IL7R: variants seen among roughly 807,000 people sequenced by gnomAD.
The protein encoded by IL7R is interleukin-7 receptor subunit alpha.
A neutral mutation model predicts 47.0 loss-of-function variants in IL7R; 38 were observed. The observed-to-expected ratio is 0.81, with a 90% CI of 0.62 to 1.06. The LOEUF (loss-of-function observed/expected upper bound fraction) is 1.06. Among genes scored for constraint, IL7R ranks in the 50% least tolerant of loss-of-function variants. The pLI is 0.00. For missense variants in IL7R, 633 were observed against 534.8 expected (o/e 1.18, Z -1.81); for synonymous variants, 221 against 199.8 (o/e 1.11, Z -0.89).
In IL7R at chr5:35,873,517, A is replaced by G. The variant is rs1345734622; in HGVS notation, c.575A>G (p.Gln192Arg). 5 of 1,613,984 alleles carry G rather than the reference A, an allele frequency of 3.1e-6. No homozygotes were observed. Among genetic ancestry groups the G allele is most frequent in the African/African-American group, 2.7e-5 (2 of 74,924 alleles). The change falls in exon 5 of 8, where the codon CAG (glutamine) becomes CGG (arginine). Residue 192 changes from glutamine to arginine, a missense_variant. Physicochemically the swap from Gln to Arg is conservative, Grantham distance 43 (BLOSUM62 1). Coordinates refer to ENST00000303115, the MANE Select transcript of IL7R (RefSeq NM_002185.5). ...NLSSTKLTLLQRKLQPAAMYE... is the reference protein window; with the variant it reads ...NLSSTKLTLLRRKLQPAAMYE... ...TCCAGCACAAAGCTGACACTCCTGC[A>G]GAGAAAGCTCCAACCGGCAGCAATG...
rs746163082 is a variant in IL7R at position 35,871,220 on chromosome 5, A to T, written c.537+7A>T. ...GGATGAAAACAAATGGACGGTATGTAGTTCAACTACATTAATAAAATAAAA... is the reference window on the plus strand; with the variant it reads ...GGATGAAAACAAATGGACGGTATGTTGTTCAACTACATTAATAAAATAAAA... On this transcript the variant is annotated splice_region_variant and intron_variant, in intron 4 of 7. Coordinates refer to ENST00000303115, the MANE Select transcript of IL7R (RefSeq NM_002185.5). 4 of 1,603,532 alleles carry T rather than the reference A, an allele frequency of 2.5e-6. No individual in the cohort carries two copies. The African/African-American group carries it at 5.4e-5, about 21-fold the overall frequency.
chr5:35,875,512 G>T lies in IL7R; in HGVS notation c.801G>T (p.Arg267Ser), dbSNP rs912324015. 1 of 1,607,398 alleles carries T rather than the reference G, an allele frequency of 6.2e-7. No individual in the cohort carries two copies. Among genetic ancestry groups the T allele is most frequent in the South Asian group, 1.1e-5 (1 of 90,940 alleles). Residue 267 changes from arginine (R) to serine (S), a missense_variant and splice_region_variant, in exon 7 of 8, where the codon AGG becomes AGT. Transcript: ENST00000303115. ...VILACVLWKK[R>S]IKPIVWPSLP... ...ATCTATCAATGTTCTCTGATTTCAG[G>T]ATTAAGCCTATCGTATGGCCCAGTC...
At chr5:35,865,784 A>C (rs975020048) in intron 2 of IL7R, among the ~76,000 whole-genome samples, 1 of 152,304 alleles carries the variant, frequency 6.6e-6, no homozygotes, top group African/African-American at 2.4e-5. Flanking sequence ...CCCATCAAAA[A>C]GTGGGCAAAG....
Position 35,876,045 on chromosome 5 carries a change from C to T in IL7R, c.939C>T (p.Asp313=), listed in dbSNP as rs761483945. The T allele has an allele frequency of 6.2e-7, 1 of 1,614,052 alleles. No individual in the cohort carries two copies. The change falls in exon 8 of 8, where the codon GAC becomes GAT. Residue 313 remains aspartate (D), a synonymous_variant. Transcript: ENST00000303115. ...ACTGCCAGATTCATAGGGTGGATGACATTCAAGCTAGAGATGAAGTGGAAG... is the reference window on the plus strand; with the variant it reads ...ACTGCCAGATTCATAGGGTGGATGATATTCAAGCTAGAGATGAAGTGGAAG... ...FLDCQIHRVD[D]IQARDEVEGF...
Position 35,875,513 on chromosome 5 carries a change from A to T in IL7R, c.802A>T (p.Ile268Phe). Residue 268 changes from isoleucine to phenylalanine, a missense_variant and splice_region_variant, in exon 7 of 8, where the codon ATT becomes TTT. Ile to Phe is a conservative substitution (Grantham distance 21, BLOSUM62 0). Transcript: ENST00000303115. ...TCTATCAATGTTCTCTGATTTCAGG[A>T]TTAAGCCTATCGTATGGCCCAGTCT... is the stretch of plus-strand genomic sequence containing the variant. ...ILACVLWKKRIKPIVWPSLPD... is the reference protein window; with the variant it reads ...ILACVLWKKRFKPIVWPSLPD... 1.9e-6 allele frequency: 3 copies of T among 1,608,572 alleles called. No homozygotes were observed. Among genetic ancestry groups the T allele is most frequent in the Non-Finnish European group, 2.6e-6 (3 of 1,174,968 alleles).
chr5:35,860,732 A>G (rs1759781037), intron 1 of IL7R, 120 bp from the exon 2 acceptor site: 3 of 1,031,484 alleles, frequency 2.9e-6, no homozygotes, highest in South Asian at 1.3e-5. Context: ...CTTGAATACT[A>G]CATAATCCAT....
chr5:35,876,818 G>GGAAA lies in IL7R; in HGVS notation c.*342_*345dup, dbSNP rs397691511. ...AGGAAGGCAGGAAGAGAGCATGAGA[G>GGAAA]GAAAGAAAGAAAGGAAAATAAAAAA... On this transcript the variant is annotated 3_prime_UTR_variant, in exon 8 of 8. Transcript: ENST00000303115. 41,326 of 360,556 alleles carry GGAAA rather than the reference G, an allele frequency of 0.11. 2,597 individuals are homozygous for GGAAA. The highest frequency in any genetic ancestry group is 0.14 in the Admixed American group (3,247 of 23,292). 22.3% of individuals were successfully genotyped at this position (360,556 alleles called of 1,614,324 possible).
intron 2 of IL7R, among the ~76,000 whole-genome samples, chr5:35,865,167 C>T (rs558284137): frequency 1.3e-5 from 2 of 152,144 alleles, no homozygotes; most frequent in Admixed American, 1.3e-4. Context: ...TGTCCAAGTG[C>T]TCTTATCGTT....
At position 35,856,967 on chromosome 5, in the gene IL7R, T is replaced by A. The variant is rs747999593; in HGVS notation, c.-11T>A. The A allele has an allele frequency of 1.9e-5, 29 of 1,511,802 alleles. No individual in the cohort carries two copies. The highest frequency in any genetic ancestry group is 2.4e-5 in the Non-Finnish European group (26 of 1,089,330). 93.6% of individuals were successfully genotyped at this position (1,511,802 alleles called of 1,614,324 possible). ...CTCACACATCTACTCTCTCTCTCTA[T>A]CTCTCTCAGAATGACAATTCTAGGT... On this transcript the variant is annotated 5_prime_UTR_variant, in exon 1 of 8. Transcript: ENST00000303115.
intron 2 of IL7R, among the ~76,000 whole-genome samples, chr5:35,867,023 T>C (rs1195081407): frequency 6.6e-6 from 1 of 152,234 alleles, no homozygotes; most frequent in African/African-American, 2.4e-5. Context: ...CAGTGATCAA[T>C]TATAAAAATA....
At position 35,877,572 on chromosome 5, in the gene IL7R, G is replaced by A. The variant is rs902832222; in HGVS notation, c.*1086G>A. ...GGACATGGGTACGTTTGACGAGTGA[G>A]AGGAGGCATGACCCCTCCCATGTGT... On this transcript the variant is annotated 3_prime_UTR_variant, in exon 8 of 8. Transcript: ENST00000303115. 7.3e-5 allele frequency: 17 copies of A among 233,176 alleles called. No homozygotes were observed. Among genetic ancestry groups the A allele is most frequent in the Middle Eastern group, 1.3e-3 (1 of 786 alleles). 14.4% of individuals were successfully genotyped at this position (233,176 alleles called of 1,614,324 possible).
chr5:35,859,329 G>A (rs1375599194), intron 1 of IL7R, among the ~76,000 whole-genome samples: 1 of 152,196 alleles, frequency 6.6e-6, no homozygotes, highest in Non-Finnish European at 1.5e-5. Context: ...ATTGGTGGAA[G>A]AGAAAATGTC....
rs534769745 is a variant in IL7R at position 35,871,504 on chromosome 5, G to A, written c.537+291G>A. 2.6e-5 allele frequency among the ~76,000 whole-genome samples: 4 copies of A among 152,218 alleles called. No individual in the cohort carries two copies. In the South Asian group the frequency reaches 8.3e-4, roughly 32 times the overall value. Reference sequence around the variant, plus strand: ...CCAAATTAATCCTCTGTATTCAGGGGCCTCAAAAAGTGTCATGTCTAGTGC... The same window carrying A: ...CCAAATTAATCCTCTGTATTCAGGGACCTCAAAAAGTGTCATGTCTAGTGC... On this transcript the variant is annotated intron_variant, in intron 4 of 7. Coordinates refer to ENST00000303115, the MANE Select transcript of IL7R (RefSeq NM_002185.5).
At chr5:35,861,211 G>C (rs534686693) in intron 2 of IL7R, among the ~76,000 whole-genome samples, 1 of 152,218 alleles carries the variant, frequency 6.6e-6, no homozygotes, top group South Asian at 2.1e-4. Context: ...TCAGTCAAAT[G>C]ATGCTCTGGA....
At chr5:35,857,769 A>T (rs1759695557) in intron 1 of IL7R, among the ~76,000 whole-genome samples, 1 of 152,118 alleles carries the variant, frequency 6.6e-6, no homozygotes, top group Non-Finnish European at 1.5e-5. Context: ...CCCATACATA[A>T]ACACATTGTA....
rs775669367 is a variant in IL7R, at chr5:35,875,483, C to G, written c.801-29C>G. The G allele has an allele frequency of 3.3e-6, 5 of 1,515,330 alleles. 1 individual carries two copies. In the South Asian group the frequency reaches 5.6e-5, roughly 17 times the overall value. 93.9% of individuals were successfully genotyped at this position (1,515,330 alleles called of 1,614,324 possible). On this transcript the variant is annotated intron_variant, in intron 6 of 7. Transcript: ENST00000303115. ...GTGTGCCTGTGCCCTCTGCCATTCA[C>G]TTCATCTATCAATGTTCTCTGATTT...
chr5:35,859,983 A>T (rs1363171066), intron 1 of IL7R, among the ~76,000 whole-genome samples: 1 of 152,050 alleles, frequency 6.6e-6, no homozygotes, highest in Non-Finnish European at 1.5e-5. Flanking sequence ...TACATACAAA[A>T]TGTAGATTTC....
intron 3 of IL7R, among the ~76,000 whole-genome samples, chr5:35,870,835 T>C (rs2149901367): frequency 6.6e-6 from 1 of 152,234 alleles, no homozygotes; most frequent in Admixed American, 6.5e-5. Flanking sequence ...GGATGTGCAT[T>C]TCTTCTGCCC....
rs200036308 is a variant in IL7R at position 35,876,774 on chromosome 5, A to G, written c.*288A>G. 8.6e-6 allele frequency: 4 copies of G among 464,020 alleles called. No individual in the cohort carries two copies. The highest frequency in any genetic ancestry group is 1.9e-5 in the African/African-American group (1 of 51,710). 28.7% of individuals were successfully genotyped at this position (464,020 alleles called of 1,614,324 possible). On this transcript the variant is annotated 3_prime_UTR_variant, in exon 8 of 8. Coordinates refer to ENST00000303115, the MANE Select transcript of IL7R (RefSeq NM_002185.5). ...AAAAGAGGAAAGAATGAAAGAGTAA[A>G]GGAAATGATTGAGGAGTGAGGAAGG...
Sources: allele counts gnomAD v4.1 joint callset (sites outside exome capture counted in the v4.1 genomes callset), GRCh38; gene constraint gnomAD v4.1.1; transcripts MANE v1.5; gene names NCBI Gene and HGNC (gene_info 2026-07-23, HGNC 2026-07-21).